Variants in MAP4 observed in about 807,000 individuals in gnomAD.
MAP4 encodes microtubule associated protein 4.
In MAP4, 76 loss-of-function variants were observed where a neutral mutation model predicts 170.2. The ratio of observed to expected loss-of-function variants is 0.45; its 90% CI spans 0.37 to 0.54. MAP4 has a LOEUF of 0.54. Ranked by LOEUF, MAP4 falls within the 20% of genes least tolerant of loss-of-function variation. The pLI is 0.00. For missense variants in MAP4, 2,506 were observed against 2,748.0 expected (o/e 0.91, Z 1.97); for synonymous variants, 909 against 994.5 (o/e 0.91, Z 1.62).
In MAP4 at chr3:47,911,545, A is replaced by G. The variant is rs2100035956; in HGVS notation, c.2876T>C (p.Val959Ala). ...TTTTGCTGCTGTGGGTTTTGAAACT[A>G]CACCCATAACCTCTTGGTCCAAGAA... ...SPFLDQEVMG[V>A]VSKPTAAKEI... Residue 959 changes from valine to alanine, a missense_variant, in exon 9 of 21, where the codon GTA (valine) becomes GCA (alanine). Val to Ala is a moderately conservative substitution (Grantham distance 64). Coordinates refer to ENST00000683076, the MANE Select transcript of MAP4 (RefSeq NM_001385682.1). The surrounding 1 kb of genome is among the most constrained non-coding windows in gnomAD (Gnocchi z 4.0). 1.3e-6 allele frequency: 2 copies of G among 1,536,096 alleles called. No homozygotes were observed. The highest frequency in any genetic ancestry group is 1.7e-6 in the Non-Finnish European group (2 of 1,146,904).
rs2153051803 is a variant in MAP4 at position 47,891,499 on chromosome 3, G to A, written c.5434+11451C>T. The A allele has an allele frequency of 2.0e-6, 3 of 1,515,122 alleles. No homozygotes were observed. The African/African-American group carries it at 4.1e-5, about 21-fold the overall frequency. The allele number at this position is 1,515,122 out of a possible 1,614,324, so 93.9% of individuals were successfully genotyped here. ...TTGGGCTACTAGGGGGAGGCAGCAGGCCAGAAGAAGGCTCTTCTCGGGCAG... is the reference window on the plus strand; with the variant it reads ...TTGGGCTACTAGGGGGAGGCAGCAGACCAGAAGAAGGCTCTTCTCGGGCAG... On this transcript the variant is annotated intron_variant, in intron 10 of 20. Transcript: ENST00000683076.
intron 1 of MAP4, among the ~76,000 whole-genome samples, chr3:48,042,106 G>A (rs1291356424): frequency 6.6e-6 from 1 of 152,200 alleles, no homozygotes; most frequent in Non-Finnish European, 1.5e-5. Flanking sequence ...TAAGCCCATG[G>A]CTATAAATGG....
intron 3 of MAP4, chr3:47,975,558 T>A (rs2100081556): frequency 1.2e-6 from 1 of 808,984 alleles, no homozygotes; most frequent in Non-Finnish European, 2.1e-6. Flanking sequence ...AAGTTCAATA[T>A]CACAAGATGC....
chr3:47,921,621 T>C, intron 5 of MAP4, 144 bp downstream of exon 5: 2 of 599,150 alleles, frequency 3.3e-6, no homozygotes, highest in Non-Finnish European at 6.0e-6. Context: ...ACCTCTCATG[T>C]ACATATTAAA....
At chr3:47,904,328 T>C (rs1460124066) in intron 9 of MAP4, among the ~76,000 whole-genome samples, 2 of 152,058 alleles carry the variant, frequency 1.3e-5, no homozygotes, top group Non-Finnish European at 2.9e-5. Flanking sequence ...ATTATTATTA[T>C]TTTTTGAGAT....
At chr3:48,083,721 A>T (rs1405836756) in intron 1 of MAP4, among the ~76,000 whole-genome samples, 1 of 151,240 alleles carries the variant, frequency 6.6e-6, no homozygotes, top group Non-Finnish European at 1.5e-5. Context: ...ATTAGTTTAC[A>T]GTAAGATTAA....
intron 3 of MAP4, among the ~76,000 whole-genome samples, chr3:47,955,742 A>G (rs2100067467): frequency 6.6e-6 from 1 of 152,200 alleles, no homozygotes; most frequent in African/African-American, 2.4e-5. Flanking sequence ...GCTTCAACCC[A>G]GCTACAAAGT....
intron 3 of MAP4, among the ~76,000 whole-genome samples, chr3:47,977,230 T>A (rs781349923): frequency 1.3e-5 from 2 of 152,190 alleles, no homozygotes; most frequent in Non-Finnish European, 2.9e-5. Context: ...ATATAGTATA[T>A]CCCTGGGACT....
At chr3:47,928,467 T>A in intron 3 of MAP4, 117 bp from the exon 4 acceptor site, 1 of 1,050,182 alleles carries the variant, frequency 9.5e-7, no homozygotes, top group Non-Finnish European at 1.4e-6. Context: ...ATCTAGCTAG[T>A]GTCTTACAAG....
At chr3:47,952,192 A>G (rs1202358735) in intron 3 of MAP4, among the ~76,000 whole-genome samples, 31 of 141,636 alleles carry the variant, frequency 2.2e-4, no homozygotes, top group Middle Eastern at 4.0e-3. Context: ...CCCTCCGCCC[A>G]GCAGCCACCC....
At chr3:48,002,048 G>A (rs889912730) in intron 1 of MAP4, among the ~76,000 whole-genome samples, 1 of 151,880 alleles carries the variant, frequency 6.6e-6, no homozygotes, top group Non-Finnish European at 1.5e-5. Context: ...CAAAAGATAC[G>A]TGTGACCCAG....
At chr3:47,860,799 C>CA (rs1324047371) in intron 17 of MAP4, among the ~76,000 whole-genome samples, 1 of 151,982 alleles carries the variant, frequency 6.6e-6, no homozygotes, top group East Asian at 1.9e-4. Context: ...GGGAAAAAAC[C>CA]AAAACCAAAT....
chr3:48,004,454 AG>A (rs960776731), intron 1 of MAP4, among the ~76,000 whole-genome samples: 1 of 152,262 alleles, frequency 6.6e-6, no homozygotes, highest in African/African-American at 2.4e-5. Context: ...TCCTAAGTTC[AG>A]TGAACAAAGT....
At chr3:47,924,273 G>A (rs1170011852) in intron 4 of MAP4, among the ~76,000 whole-genome samples, 6 of 152,126 alleles carry the variant, frequency 3.9e-5, no homozygotes, top group African/African-American at 1.4e-4. Context: ...TGGTTATGAG[G>A]AGGAAGACAA....
intron 1 of MAP4, among the ~76,000 whole-genome samples, chr3:48,022,188 T>C (rs1466848237): frequency 6.6e-6 from 1 of 152,196 alleles, no homozygotes. Flanking sequence ...TCCAGGTGGA[T>C]GGCAGCCCTA....
chr3:47,961,944 G>A (rs1240094578), intron 3 of MAP4, among the ~76,000 whole-genome samples: 1 of 152,160 alleles, frequency 6.6e-6, no homozygotes, highest in Non-Finnish European at 1.5e-5. Flanking sequence ...CCTGCTGATT[G>A]GAACAAGATC....
At chr3:47,951,502 G>C (rs967562461) in intron 3 of MAP4, among the ~76,000 whole-genome samples, 3 of 152,288 alleles carry the variant, frequency 2.0e-5, no homozygotes, top group South Asian at 2.1e-4. Flanking sequence ...GACGCGCGCC[G>C]CCACGCCTGA....
intron 10 of MAP4, among the ~76,000 whole-genome samples, chr3:47,882,147 TG>T (rs1203414240): frequency 6.6e-6 from 1 of 152,054 alleles, no homozygotes; most frequent in Non-Finnish European, 1.5e-5. Flanking sequence ...GGCGTTGTGG[TG>T]GGCGCCTGTA....
intron 3 of MAP4, among the ~76,000 whole-genome samples, chr3:47,963,684 A>G (rs2100073044): frequency 6.6e-6 from 1 of 152,224 alleles, no homozygotes; most frequent in Non-Finnish European, 1.5e-5. Flanking sequence ...TCCACCAGAC[A>G]GTGTTCTAGG....
Sources: allele counts gnomAD v4.1 joint callset (sites outside exome capture counted in the v4.1 genomes callset), GRCh38; gene constraint gnomAD v4.1.1; non-coding constraint Gnocchi (gnomAD v3.1); transcripts MANE v1.5; gene names NCBI Gene and HGNC (gene_info 2026-07-23, HGNC 2026-07-21).